RUSC1: variants seen among roughly 807,000 people sequenced by gnomAD.
RUSC1 encodes the protein AP-4 complex accessory subunit RUSC1.
A neutral mutation model predicts 72.1 loss-of-function variants in RUSC1; 40 were observed. The ratio of observed to expected loss-of-function variants is 0.55; its 90% confidence interval spans 0.43 to 0.72. The LOEUF (loss-of-function observed/expected upper bound fraction) is 0.72. Among genes scored for constraint, RUSC1 ranks in the 30% least tolerant of loss-of-function variants. The pLI is 0.00. For missense variants in RUSC1, 1,092 were observed against 1,172.3 expected, an observed-to-expected ratio of 0.93 and a Z score of 1.00; for synonymous variants, 512 against 494.2, an observed-to-expected ratio of 1.04 and a Z score of -0.48.
At chr1:155,324,814 G>A (rs1398599133) in intron 2 of RUSC1, 31 bp from the exon 3 acceptor site, 2 of 1,614,200 alleles carry the variant, frequency 1.2e-6, no homozygotes, top group South Asian at 1.1e-5. Context: ...CACTTGGTAA[G>A]TGTTACCGCG....
rs754503088 is a variant in RUSC1 at position 155,326,983 on chromosome 1, G to A, written c.2265G>A (p.Pro755=). Residue 755 remains proline, a synonymous_variant, in exon 8 of 10, where the codon CCG becomes CCA. Transcript: ENST00000368352. This position sits in a 1 kb window ranked among gnomAD's most constrained non-coding sequence, Gnocchi z 4.7. ...GCTTTCCTCTTTCCCGATGGGCACC[G>A]GGGCGTCATGGGACTGCAGCTGAAG... The part of the protein sequence containing the change: ...TEGFPLSRWA[P]GRHGTAAEEG... 205 of 1,613,518 alleles carry A rather than the reference G, an allele frequency of 1.3e-4. No individual in the cohort carries two copies. Among genetic ancestry groups the A allele is most frequent in the Non-Finnish European group, 1.5e-4 (180 of 1,180,042 alleles).
In RUSC1 at chr1:155,322,967, GC is replaced by G; in HGVS notation, c.1198del (p.Arg400GlyfsTer21). On this transcript the variant is annotated frameshift_variant, in exon 2 of 10. Transcript: ENST00000368352. LOFTEE classifies it high-confidence loss of function. ...CCCCAGTTGGCTGGGCTTTGGTCCC[GC>G]CCCGGCCCCCACCCCCGCCTGTCCC... is the stretch of plus-strand genomic sequence containing the variant. The part of the protein sequence containing the change: ...DPPVGWALVP[P>X]RPPPPPVPPR... 1.1e-6 allele frequency: 1 copy of G among 921,436 alleles called. No individual in the cohort carries two copies. Among genetic ancestry groups the G allele is most frequent in the Non-Finnish European group, 1.5e-6 (1 of 671,906 alleles). The allele number at this position is 921,436 out of a possible 1,614,324, so 57.1% of individuals were successfully genotyped here. A position where few individuals can be genotyped will look rare whatever the true frequency, so the allele number is the denominator to read the frequency against.
rs190940823 is a variant in RUSC1 at position 155,328,375 on chromosome 1, C to T, written c.2540+100C>T. On this transcript the variant is annotated intron_variant, in intron 9 of 9. Transcript: ENST00000368352. ...AAAACCCTGGGCTTTAAAATAAGAC[C>T]GTGCTTAGTGTGCATTGCAGCTTTT... 7.2e-4 allele frequency: 914 copies of T among 1,273,502 alleles called. 7 individuals carry two copies. The African/African-American group carries it at 0.012, about 17-fold the overall frequency. The allele number at this position is 1,273,502 out of a possible 1,614,324, so 78.9% of individuals were successfully genotyped here.
chr1:155,324,359 C>A, intron 2 of RUSC1: 1 of 1,607,312 alleles, frequency 6.2e-7, no homozygotes, highest in South Asian at 1.1e-5. Flanking sequence ...GCCTCCCAAT[C>A]CTCGGGTCTC....
At position 155,330,339 on chromosome 1, in the gene RUSC1, G is replaced by A. The variant is rs997135349; in HGVS notation, c.2541-64G>A. 44 of 1,565,680 alleles carry A rather than the reference G, an allele frequency of 2.8e-5. No homozygotes were observed. In the Admixed American group the frequency reaches 5.1e-4, roughly 18 times the overall value. On this transcript the variant is annotated intron_variant, in intron 9 of 9. Coordinates refer to ENST00000368352, the MANE Select transcript of RUSC1 (RefSeq NM_001105203.2). Reference sequence around the variant, plus strand: ...CCAACAAGGGCACTCTAGAGGTGACGCCTGGGGACGGCTGGGCAGCCCCAC... The same window carrying A: ...CCAACAAGGGCACTCTAGAGGTGACACCTGGGGACGGCTGGGCAGCCCCAC...
At position 155,322,210 on chromosome 1, in the gene RUSC1, C is replaced by T; in HGVS notation, c.437C>T (p.Pro146Leu). The T allele has an allele frequency of 1.2e-6, 2 of 1,611,366 alleles. No homozygotes were observed. The highest frequency in any genetic ancestry group is 1.7e-6 in the Non-Finnish European group (2 of 1,178,182). ...ATCATCCCCCTGGAGCAGGGCTCCC[C>T]ACTGGCTTCAGCAGGCCCTGGCACC... ...PSIIPLEQGS[P>L]LASAGPGTCS... is the part of the protein sequence containing the mutation. Residue 146 changes from proline to leucine, a missense_variant, in exon 2 of 10, where the codon CCA becomes CTA. Pro to Leu is a moderately conservative substitution (Grantham distance 98). Transcript: ENST00000368352.
intron 2 of RUSC1, 165 bp from the exon 3 acceptor site, chr1:155,324,680 C>A: frequency 6.5e-7 from 1 of 1,539,674 alleles, no homozygotes; most frequent in African/African-American, 1.4e-5. Flanking sequence ...CACTCCGGGG[C>A]TCGGGTCGAG....
Position 155,322,001 on chromosome 1 carries a change from G to A in RUSC1, c.228G>A (p.Glu76=), listed in dbSNP as rs763215636. 12 of 1,602,016 alleles carry A rather than the reference G, an allele frequency of 7.5e-6. No individual in the cohort carries two copies. The Admixed American group carries it at 2.0e-4, about 27-fold the overall frequency. The stretch of plus-strand genomic sequence containing the variant: ...CTGTGCCCTGCCGGTGCTGCCAGGA[G>A]CACGGTCCGGGCCTAGAAAACCGGC... ...SPAVPCRCCQ[E]HGPGLENRQD... is the part of the protein sequence containing the mutation. Residue 76 remains glutamate (E), a synonymous_variant, in exon 2 of 10, where the codon GAG becomes GAA. Coordinates refer to ENST00000368352, the MANE Select transcript of RUSC1 (RefSeq NM_001105203.2).
Position 155,321,681 on chromosome 1 carries a change from C to A in RUSC1, c.-86-7C>A. The A allele has an allele frequency of 6.6e-7, 1 of 1,524,694 alleles. No homozygotes were observed. Among genetic ancestry groups the A allele is most frequent in the South Asian group, 1.2e-5 (1 of 83,464 alleles). The allele number at this position is 1,524,694 out of a possible 1,614,324, so 94.4% of individuals were successfully genotyped here. ...ACTGGCCGGGCTTCACCACCTCTGTCTTCTAGGTCTGCACCTGTGGTTGCC... is the reference window on the plus strand; with the variant it reads ...ACTGGCCGGGCTTCACCACCTCTGTATTCTAGGTCTGCACCTGTGGTTGCC... On this transcript the variant is annotated splice_region_variant and splice_polypyrimidine_tract_variant and intron_variant, in intron 1 of 9. Transcript: ENST00000368352.
chr1:155,326,750 G>A lies in RUSC1; in HGVS notation c.2032G>A (p.Ala678Thr), dbSNP rs906210489. The part of the protein sequence containing the change: ...HHHLPLGPPQ[A>T]PAPPGPPPAL... ...CCACCTGCCCCTGGGCCCACCTCAG[G>A]CCCCTGCCCCTCCAGGCCCACCTCC... The change falls in exon 8 of 10, where the codon GCC becomes ACC. Residue 678 changes from alanine (A) to threonine (T), a missense_variant. Coordinates refer to ENST00000368352, the MANE Select transcript of RUSC1 (RefSeq NM_001105203.2). This position sits in a 1 kb window ranked among gnomAD's most constrained non-coding sequence, Gnocchi z 4.7. The A allele has an allele frequency of 1.2e-6, 2 of 1,612,872 alleles. No homozygotes were observed. The highest frequency in any genetic ancestry group is 1.3e-5 in the African/African-American group (1 of 74,922).
chr1:155,325,465 C>G lies in RUSC1; in HGVS notation c.1683C>G (p.Ser561Arg). The change falls in exon 5 of 10, where the codon AGC (serine) becomes AGG (arginine). Residue 561 changes from serine to arginine, a missense_variant. Transcript: ENST00000368352. The surrounding 1 kb of genome is among the most constrained non-coding windows in gnomAD (Gnocchi z 6.5). ...GGCAGCGCAGGAGCAGCCCCTGGAG[C>G]GTGGTGGAGGCGTCGGTGAAGCCAG... ...ITGQRRSSPW[S>R]VVEASVKPGS... 6.3e-7 allele frequency: 1 copy of G among 1,593,168 alleles called. No homozygotes were observed. Among genetic ancestry groups the G allele is most frequent in the Non-Finnish European group, 8.5e-7 (1 of 1,173,320 alleles).
Position 155,322,836 on chromosome 1 carries a change from T to G in RUSC1, c.1063T>G (p.Ser355Ala). ...CTCGCCCGACACCGAGCTCCCCCCC[T>G]CGGGGTCGCCGGGCGGCTCCTCGGC... ...VFSPDTELPPSGSPGGSSAPP... is the reference protein window; with the variant it reads ...VFSPDTELPPAGSPGGSSAPP... Residue 355 changes from serine (S) to alanine (A), a missense_variant, in exon 2 of 10, where the codon TCG (serine) becomes GCG (alanine). Physicochemically the swap from Ser to Ala is moderately conservative, Grantham distance 99 (BLOSUM62 1). Transcript: ENST00000368352. 2 of 1,611,660 alleles carry G rather than the reference T, an allele frequency of 1.2e-6. No homozygotes were observed. The highest frequency in any genetic ancestry group is 1.7e-6 in the Non-Finnish European group (2 of 1,179,148).
At chr1:155,321,382 G>C (rs773799973) in intron 1 of RUSC1, 3 of 1,382,794 alleles carry the variant, frequency 2.2e-6, no homozygotes, top group South Asian at 1.1e-5. Flanking sequence ...GCCAGATTGC[G>C]GCAGCAGGGA....
In RUSC1 at chr1:155,330,639, C is replaced by T; in HGVS notation, c.*68C>T. ...TGGGAATGGAATGGCCAGTGAACACCATCCCAGAAGCATTTTCCCTCTGCA... is the reference window on the plus strand; with the variant it reads ...TGGGAATGGAATGGCCAGTGAACACTATCCCAGAAGCATTTTCCCTCTGCA... On this transcript the variant is annotated 3_prime_UTR_variant, in exon 10 of 10. Coordinates refer to ENST00000368352, the MANE Select transcript of RUSC1 (RefSeq NM_001105203.2). 7.1e-7 allele frequency: 1 copy of T among 1,414,698 alleles called. No homozygotes were observed. The allele number at this position is 1,414,698 out of a possible 1,614,324, so 87.6% of individuals were successfully genotyped here. A position where few individuals can be genotyped will look rare whatever the true frequency, so the allele number is the denominator to read the frequency against.
chr1:155,327,022 G>A lies in RUSC1; in HGVS notation c.2304G>A (p.Glu768=). ...CTGCAGCTGAAGAAGGTGCACAGGA[G>A]AGACCCCTGCCCACAGATGAGATGG... is the stretch of plus-strand genomic sequence containing the variant. ...HGTAAEEGAQ[E]RPLPTDEMAP... Residue 768 remains glutamate, a synonymous_variant, in exon 8 of 10, where the codon GAG becomes GAA. Coordinates refer to ENST00000368352, the MANE Select transcript of RUSC1 (RefSeq NM_001105203.2). 6.2e-7 allele frequency: 1 copy of A among 1,613,522 alleles called. No homozygotes were observed. Among genetic ancestry groups the A allele is most frequent in the East Asian group, 2.2e-5 (1 of 44,882 alleles).
Position 155,330,416 on chromosome 1 carries a change from C to T in RUSC1, c.2554C>T (p.Leu852Phe), listed in dbSNP as rs769690051. ...GGCTCCCCTCAGGGCAGTGCGGGCT[C>T]TCTGTGATCACACTGCTGCAAGACC... is the stretch of plus-strand genomic sequence containing the variant. ...MVQTHRAVRA[L>F]CDHTAARPDQ... The change falls in exon 10 of 10, where the codon CTC (leucine) becomes TTC (phenylalanine). Residue 852 changes from leucine (L) to phenylalanine (F), a missense_variant. Leu to Phe is a conservative substitution (Grantham distance 22). Transcript: ENST00000368352. 6.2e-7 allele frequency: 1 copy of T among 1,612,784 alleles called. No homozygotes were observed. The highest frequency in any genetic ancestry group is 8.5e-7 in the Non-Finnish European group (1 of 1,180,026).
At chr1:155,328,048 G>A (rs1651599662) in intron 8 of RUSC1, 102 bp from the exon 9 acceptor site, 1 of 1,461,928 alleles carries the variant, frequency 6.8e-7, no homozygotes, top group Non-Finnish European at 9.2e-7. Context: ...GACCTCTTTT[G>A]AACCACAATT....
intron 2 of RUSC1, chr1:155,324,585 G>C: frequency 1.3e-6 from 2 of 1,569,108 alleles, no homozygotes; most frequent in Non-Finnish European, 1.7e-6. Context: ...CGGGATCCTG[G>C]AGGTGGGGGC....
intron 2 of RUSC1, 78 bp from the exon 3 acceptor site, chr1:155,324,767 A>G: frequency 6.2e-7 from 1 of 1,608,802 alleles, no homozygotes. Flanking sequence ...GACCCGCCGG[A>G]GACAACTTGT....
Sources: allele counts gnomAD v4.1 joint callset, GRCh38; gene constraint gnomAD v4.1.1; non-coding constraint Gnocchi (gnomAD v3.1); transcripts MANE v1.5; gene names NCBI Gene and HGNC (gene_info 2026-07-23, HGNC 2026-07-21).